Variants in FHIT observed in about 807,000 individuals in gnomAD.
The protein encoded by FHIT is fragile histidine triad diadenosine triphosphatase.
Under a neutral mutation model 17.9 loss-of-function variants are expected in FHIT, and 19 were observed. The ratio of observed to expected loss-of-function variants is 1.06; its 90% CI spans 0.74 to 1.56. FHIT has a LOEUF of 1.56. Ranked by LOEUF, FHIT falls within the 40% of genes most tolerant of loss-of-function variation. The pLI, the probability that FHIT is intolerant of heterozygous loss-of-function variation, is 0.00. For missense variants in FHIT, 248 were observed against 189.2 expected (o/e 1.31, Z -1.82); for synonymous variants, 81 against 69.7 (o/e 1.16, Z -0.81).
chr3:60,095,273 C>G (rs991347456), intron 5 of FHIT, among the ~76,000 whole-genome samples: 1 of 152,202 alleles, frequency 6.6e-6, no homozygotes, highest in Non-Finnish European at 1.5e-5. Flanking sequence ...CCATTTAACA[C>G]CCAAATGAAA....
rs113791503 is a variant in FHIT at position 60,816,434 on chromosome 3, G to C, written c.-18+5485C>G. Among the ~76,000 whole-genome samples, 857 of 152,040 alleles carry C rather than the reference G, an allele frequency of 5.6e-3. 9 individuals are homozygous for C. The highest frequency in any genetic ancestry group is 0.02 in the African/African-American group (811 of 41,502). On this transcript the variant is annotated intron_variant, in intron 4 of 9. Coordinates refer to ENST00000492590, the MANE Select transcript of FHIT (RefSeq NM_002012.4). ...GTTCTTCAGTGCCTACTTTCTTGAA[G>C]TTTTTTATCATGAAGGGATGTTGGA...
At chr3:61,024,825 C>T (rs1440624869) in intron 3 of FHIT, among the ~76,000 whole-genome samples, 2 of 151,902 alleles carry the variant, frequency 1.3e-5, no homozygotes, top group African/African-American at 4.8e-5. Context: ...CTGTTAGTAA[C>T]CACTAGTTTC....
intron 4 of FHIT, among the ~76,000 whole-genome samples, chr3:60,707,291 A>C (rs2041398239): frequency 6.6e-6 from 1 of 152,186 alleles, no homozygotes; most frequent in African/African-American, 2.4e-5. Context: ...TCTATGATCT[A>C]CTATAACTTT....
chr3:60,118,102 G>T lies in FHIT; in HGVS notation c.104-103950C>A, dbSNP rs1048057125. On this transcript the variant is annotated intron_variant, in intron 5 of 9. Coordinates refer to ENST00000492590, the MANE Select transcript of FHIT (RefSeq NM_002012.4). ...TGAATGTACAGCAAGGTGTTATAAT[G>T]TATTTTGATATCTTATTTTTTAGAG... is the stretch of plus-strand genomic sequence containing the variant. Among the ~76,000 whole-genome samples the T allele has an allele frequency of 3.3e-5, 5 of 152,036 alleles. No individual in the cohort carries two copies. The South Asian group carries it at 8.3e-4, about 25-fold the overall frequency.
At chr3:60,163,635 G>A (rs1019030146) in intron 5 of FHIT, among the ~76,000 whole-genome samples, 2 of 152,078 alleles carry the variant, frequency 1.3e-5, no homozygotes, top group African/African-American at 4.8e-5. Context: ...CCCTGGCCAG[G>A]CCAGATTTCT....
At chr3:61,081,758 G>A (rs1447308885) in intron 2 of FHIT, among the ~76,000 whole-genome samples, 4 of 152,170 alleles carry the variant, frequency 2.6e-5, no homozygotes, top group Non-Finnish European at 5.9e-5. Context: ...ACTCCAGTAT[G>A]ACCTCATCTT....
chr3:61,039,637 A>G, intron 3 of FHIT, among the ~76,000 whole-genome samples: 1 of 152,122 alleles, frequency 6.6e-6, no homozygotes, highest in East Asian at 1.9e-4. Context: ...CTCTCTCATA[A>G]GTGGGAGTTG....
chr3:60,536,768 G>T, intron 5 of FHIT, 92 bp downstream of exon 5: 3 of 1,362,052 alleles, frequency 2.2e-6, no homozygotes, highest in South Asian at 3.3e-5. Context: ...TTTTTGGACA[G>T]ACTGGAGGCC....
rs116934585 is a variant in FHIT at position 60,974,389 on chromosome 3, T to C, written c.-111+67658A>G. On this transcript the variant is annotated intron_variant, in intron 3 of 9. Coordinates refer to ENST00000492590, the MANE Select transcript of FHIT (RefSeq NM_002012.4). The stretch of plus-strand genomic sequence containing the variant: ...AGAAATGAGCATGTGATCTACATTA[T>C]TCCATTGAGACTCAGTACTTGGATT... Among the ~76,000 whole-genome samples, 111 of 152,302 alleles carry C rather than the reference T, an allele frequency of 7.3e-4. 3 individuals carry two copies. The East Asian group carries it at 9.7e-3, about 13-fold the overall frequency.
chr3:60,141,350 T>G (rs574321240), intron 5 of FHIT, among the ~76,000 whole-genome samples: 5 of 150,512 alleles, frequency 3.3e-5, no homozygotes, highest in Admixed American at 6.6e-5. Flanking sequence ...ATTGTAGTTG[T>G]GCAGTAATGA....
At chr3:60,818,531 C>T (rs1329647336) in intron 4 of FHIT, among the ~76,000 whole-genome samples, 4 of 152,162 alleles carry the variant, frequency 2.6e-5, no homozygotes, top group Non-Finnish European at 5.9e-5. Context: ...CTCAGAATTA[C>T]ATGACGTGAT....
At chr3:60,845,919 G>A (rs1168355484) in intron 3 of FHIT, among the ~76,000 whole-genome samples, 1 of 152,162 alleles carries the variant, frequency 6.6e-6, no homozygotes, top group Non-Finnish European at 1.5e-5. Context: ...TAGTAATGCA[G>A]TTTTAAACCA....
rs938589448 is a variant in FHIT at position 60,592,287 on chromosome 3, A to T, written c.-17-55308T>A. On this transcript the variant is annotated intron_variant, in intron 4 of 9. Transcript: ENST00000492590. ...CTCTCTCTATATATATATATATATA[A>T]AATCATAGATACACCATGATAATTT... 3.0e-4 allele frequency among the ~76,000 whole-genome samples: 44 copies of T among 149,068 alleles called. 1 individual carries two copies. In the East Asian group the frequency reaches 7.6e-3, roughly 26 times the overall value.
intron 1 of FHIT, among the ~76,000 whole-genome samples, chr3:61,215,623 T>G (rs1485418045): frequency 6.6e-5 from 10 of 152,326 alleles, no homozygotes; most frequent in South Asian, 2.1e-4. Context: ...ATGACTTTCT[T>G]CACAGAATTG....
chr3:60,849,231 G>A (rs1297172198), intron 3 of FHIT, among the ~76,000 whole-genome samples: 1 of 151,838 alleles, frequency 6.6e-6, no homozygotes, highest in African/African-American at 2.4e-5. Context: ...GAGAGACAGA[G>A]AGAATGAGAA....
intron 5 of FHIT, among the ~76,000 whole-genome samples, chr3:60,188,872 T>A (rs924669363): frequency 1.3e-5 from 2 of 149,366 alleles, no homozygotes; most frequent in Non-Finnish European, 3.0e-5. Context: ...CACAAAGCAA[T>A]TTTTTTTTTA....
At chr3:60,900,381 T>C (rs1706057436) in intron 3 of FHIT, among the ~76,000 whole-genome samples, 1 of 151,818 alleles carries the variant, frequency 6.6e-6, no homozygotes, top group African/African-American at 2.4e-5. Context: ...ACTATGATTA[T>C]ACCTGTGAAT....
intron 4 of FHIT, among the ~76,000 whole-genome samples, chr3:60,786,346 T>C (rs1268999695): frequency 1.3e-5 from 2 of 152,248 alleles, no homozygotes; most frequent in Non-Finnish European, 2.9e-5. Flanking sequence ...TTAAGTTTTA[T>C]AATCTTGCTT....
intron 5 of FHIT, among the ~76,000 whole-genome samples, chr3:60,266,140 G>A (rs539424399): frequency 6.6e-6 from 1 of 151,866 alleles, no homozygotes; most frequent in Non-Finnish European, 1.5e-5. Context: ...GCCTAAAAGT[G>A]GAAACACCCC....
Sources: gnomAD v4.1 joint callset for allele counts (sites outside exome capture counted in the v4.1 genomes callset) on GRCh38, gnomAD v4.1.1 for gene constraint, MANE v1.5 for transcripts, NCBI Gene and HGNC (gene_info 2026-07-23, HGNC 2026-07-21) for gene names.